The following GRM4 variants were observed in gnomAD, a reference collection of about 807,000 sequenced individuals.
The protein encoded by GRM4 is metabotropic glutamate receptor 4.
GRM4 carries 28 observed loss-of-function variants against 81.7 expected under a neutral mutation model. That is an observed-to-expected ratio of 0.34 (90% CI 0.25 to 0.47). The LOEUF is 0.47. GRM4 is among the 20% of genes least tolerant of loss of function. GRM4 has a pLI of 1.00. For synonymous variants in GRM4, 488 were observed against 528.8 expected, an observed-to-expected ratio of 0.92 and a Z score of 1.06; for missense variants, 948 against 1,290.0, an observed-to-expected ratio of 0.73 and a Z score of 4.06.
In GRM4 at chr6:34,076,681, T is replaced by C. The variant is rs1688973007; in HGVS notation, c.737-14653A>G. Among the ~76,000 whole-genome samples the C allele has an allele frequency of 2.0e-5, 3 of 152,030 alleles. No individual in the cohort carries two copies. In the South Asian group the frequency reaches 6.2e-4, roughly 32 times the overall value. On this transcript the variant is annotated intron_variant, in intron 3 of 10. Coordinates refer to ENST00000538487, the MANE Select transcript of GRM4 (RefSeq NM_000841.4). The stretch of plus-strand genomic sequence containing the variant: ...CTCACCCAGGGCAGCAGGAGAGGCC[T>C]TCTTGAGACACAGGCCTGTGGGGAC...
intron 2 of GRM4, 73 bp downstream of exon 2, chr6:34,132,905 C>G: frequency 7.6e-7 from 1 of 1,310,138 alleles, no homozygotes; most frequent in Non-Finnish European, 1.1e-6. Flanking sequence ...TCGGCCAGGC[C>G]TGGCACCCTG....
chr6:34,057,371 G>A (rs543895610), intron 5 of GRM4, among the ~76,000 whole-genome samples: 1 of 152,322 alleles, frequency 6.6e-6, no homozygotes, highest in East Asian at 1.9e-4. Flanking sequence ...GGGGCCACGT[G>A]GAGCTTCCTG....
chr6:34,031,382 C>G (rs1239840365), intron 9 of GRM4, among the ~76,000 whole-genome samples: 2 of 152,296 alleles, frequency 1.3e-5, no homozygotes, highest in East Asian at 3.9e-4. Flanking sequence ...GAGTTTGATA[C>G]AGGAGGACAG....
At chr6:34,028,454 G>C (rs1764250824) in intron 9 of GRM4, 88 bp from the exon 10 acceptor site, 1 of 1,396,804 alleles carries the variant, frequency 7.2e-7, no homozygotes, top group Non-Finnish European at 9.7e-7. Context: ...GACCCACCCG[G>C]CATCCCGCTG....
At chr6:34,109,360 AATCTTC>A (rs1444062849) in intron 2 of GRM4, among the ~76,000 whole-genome samples, 4 of 136,616 alleles carry the variant, frequency 2.9e-5, no homozygotes, top group Non-Finnish European at 6.3e-5. Flanking sequence ...CCTGCCCCAG[AATCTTC>A]ATAAAAGGTG....
At chr6:34,102,193 TC>T (rs1768878714) in intron 2 of GRM4, 2 of 1,523,642 alleles carry the variant, frequency 1.3e-6, no homozygotes, top group Non-Finnish European at 1.8e-6. Flanking sequence ...TCTCCCCACT[TC>T]CTGCAAAATT....
intron 2 of GRM4, among the ~76,000 whole-genome samples, chr6:34,126,364 C>T (rs73415051): frequency 0.082 from 12,419 of 152,154 alleles, 941 homozygotes; most frequent in African/African-American, 0.2. Context: ...GTAAATGTTC[C>T]AATTATTTCA....
chr6:34,129,837 C>T (rs1421471191), intron 2 of GRM4, among the ~76,000 whole-genome samples: 2 of 152,190 alleles, frequency 1.3e-5, no homozygotes, highest in African/African-American at 4.8e-5. Context: ...ACCCTGACTG[C>T]ACTCCATTAG....
intron 10 of GRM4, 69 bp downstream of exon 10, chr6:34,028,051 C>A: frequency 6.7e-7 from 1 of 1,498,534 alleles, no homozygotes; most frequent in South Asian, 1.3e-5. Context: ...GGGGCAGGAG[C>A]TCAGCCCACC....
rs1247928032 is a variant in GRM4 at position 34,036,451 on chromosome 6, G to C, written c.1659C>G (p.Asp553Glu). ...EPCTGYQYQV[D>E]RYTCKTCPYD... ...AGGGACACGTCTTACAGGTGTAGCG[G>C]TCCACCTGGTACTGGTACCCTGTGC... Residue 553 changes from aspartate (D) to glutamate (E), a missense_variant, in exon 9 of 11, where the codon GAC (aspartate) becomes GAG (glutamate). Asp to Glu is a conservative substitution (Grantham distance 45). Transcript: ENST00000538487. This position sits in a 1 kb window ranked among gnomAD's most constrained non-coding sequence, Gnocchi z 9.0. 2 of 1,613,226 alleles carry C rather than the reference G, an allele frequency of 1.2e-6. No homozygotes were observed. Among genetic ancestry groups the C allele is most frequent in the Non-Finnish European group, 1.7e-6 (2 of 1,179,642 alleles).
chr6:34,077,674 C>G (rs1767384856), intron 3 of GRM4, among the ~76,000 whole-genome samples: 1 of 152,098 alleles, frequency 6.6e-6, no homozygotes, highest in South Asian at 2.1e-4. Context: ...ACAGCACCTG[C>G]AGTTTCCAAC....
Position 34,111,560 on chromosome 6 carries a change from G to A in GRM4, c.520-19461C>T, listed in dbSNP as rs1348912154. On this transcript the variant is annotated intron_variant, in intron 2 of 10. Coordinates refer to ENST00000538487, the MANE Select transcript of GRM4 (RefSeq NM_000841.4). The surrounding 1 kb of genome is among the most constrained non-coding windows in gnomAD (Gnocchi z 5.1). ...CTGGAACTCTTAACTGCCCATGGTA[G>A]GCAAGAGAGTGCTGTCCCCCATCCA... Among the ~76,000 whole-genome samples, 1 of 152,158 alleles carries A rather than the reference G, an allele frequency of 6.6e-6. No homozygotes were observed. Among genetic ancestry groups the A allele is most frequent in the Non-Finnish European group, 1.5e-5 (1 of 68,018 alleles).
At chr6:34,023,604 C>T (rs1763995624) in intron 10 of GRM4, among the ~76,000 whole-genome samples, 1 of 152,166 alleles carries the variant, frequency 6.6e-6, no homozygotes, top group African/African-American at 2.4e-5. Flanking sequence ...CAGTCTTGAG[C>T]CCCCCTTTTC....
rs546945301 is a variant in GRM4, at chr6:34,034,393, A to C, written c.2442+1275T>G. ...TCTCCAGACAGGCCCAGACTCCCCC[A>C]CTCCCCACTGCATCTGCTGGGGACA... On this transcript the variant is annotated intron_variant, in intron 9 of 10. Transcript: ENST00000538487. The surrounding 1 kb of genome is among the most constrained non-coding windows in gnomAD (Gnocchi z 4.0). Among the ~76,000 whole-genome samples, 19 of 151,282 alleles carry C rather than the reference A, an allele frequency of 1.3e-4. No homozygotes were observed. In the East Asian group the frequency reaches 3.7e-3, roughly 29 times the overall value.
chr6:34,075,880 C>T (rs1431664460), intron 3 of GRM4, among the ~76,000 whole-genome samples: 3 of 152,218 alleles, frequency 2.0e-5, no homozygotes, highest in South Asian at 2.1e-4. Context: ...GCTCAACCGA[C>T]GATAGCGGAA....
At position 34,036,278 on chromosome 6, in the gene GRM4, C is replaced by T. The variant is rs375967226; in HGVS notation, c.1832G>A (p.Arg611His). 2.3e-5 allele frequency: 37 copies of T among 1,613,984 alleles called. No homozygotes were observed. The highest frequency in any genetic ancestry group is 3.0e-5 in the Non-Finnish European group (35 of 1,180,004). The change falls in exon 9 of 11, where the codon CGC (arginine) becomes CAC (histidine). Residue 611 changes from arginine to histidine, a missense_variant. By Grantham distance (29) the Arg-to-His change is conservative. Transcript: ENST00000538487. The surrounding 1 kb of genome is among the most constrained non-coding windows in gnomAD (Gnocchi z 9.0). ...CTTGACGATGGGCGTGTCGTTGTAG[C>T]GCACAAAGGTGATCACCACGAACAA... is the stretch of plus-strand genomic sequence containing the variant. ...ATLFVVITFV[R>H]YNDTPIVKAS...
chr6:34,140,669 A>C (rs935490837), intron 1 of GRM4, among the ~76,000 whole-genome samples: 1 of 152,118 alleles, frequency 6.6e-6, no homozygotes, highest in African/African-American at 2.4e-5. Context: ...GCAAGCCCCA[A>C]CCATGCAGAC....
At chr6:34,106,938 G>A (rs1002079133) in intron 2 of GRM4, among the ~76,000 whole-genome samples, 1 of 152,250 alleles carries the variant, frequency 6.6e-6, no homozygotes. Context: ...TCCTTCCAAA[G>A]AGAATCTGGA....
At position 34,069,956 on chromosome 6, in the gene GRM4, C is replaced by A. The variant is rs1398344973; in HGVS notation, c.737-7928G>T. 6.6e-6 allele frequency among the ~76,000 whole-genome samples: 1 copy of A among 152,290 alleles called. No individual in the cohort carries two copies. Among genetic ancestry groups the A allele is most frequent in the East Asian group, 1.9e-4 (1 of 5,166 alleles). On this transcript the variant is annotated intron_variant, in intron 3 of 10. Coordinates refer to ENST00000538487, the MANE Select transcript of GRM4 (RefSeq NM_000841.4). This position sits in a 1 kb window ranked among gnomAD's most constrained non-coding sequence, Gnocchi z 6.4. ...TGGGGTCTTTCTGCCTGGGGCCTTA[C>A]AGAGCCCAGGACACGTGCGGGGCCT... is the stretch of plus-strand genomic sequence containing the variant.
Sources: gnomAD v4.1 joint callset for allele counts (sites outside exome capture counted in the v4.1 genomes callset) on GRCh38, gnomAD v4.1.1 for gene constraint, Gnocchi (gnomAD v3.1) non-coding constraint, MANE v1.5 for transcripts, NCBI Gene and HGNC (gene_info 2026-07-23, HGNC 2026-07-21) for gene names.